The following NSF variants were observed in gnomAD, a reference collection of about 807,000 sequenced individuals.
The protein encoded by NSF is vesicle-fusing ATPase.
A neutral mutation model predicts 50.3 loss-of-function variants in NSF; 14 were observed. The ratio of observed to expected loss-of-function variants is 0.28; its 90% CI spans 0.18 to 0.44. The LOEUF (loss-of-function observed/expected upper bound fraction) is 0.44, where lower values mean the gene tolerates loss of function less well. Ranked by LOEUF, NSF falls within the 20% of genes least tolerant of loss-of-function variation. The pLI, the probability that NSF is intolerant of heterozygous loss-of-function variation, is 1.00. For missense variants in NSF, 218 were observed against 504.3 expected, an observed-to-expected ratio of 0.43 and a Z score of 5.44; for synonymous variants, 109 against 175.7, an observed-to-expected ratio of 0.62 and a Z score of 3.00.
At chr17:46,733,613 A>G (rs918129865) in intron 17 of NSF, among the ~76,000 whole-genome samples, 1 of 152,218 alleles carries the variant, frequency 6.6e-6, no homozygotes, top group East Asian at 1.9e-4. Flanking sequence ...ATACAAAATG[A>G]TAACATCTGA....
At chr17:46,717,047 G>A (rs916118437) in intron 15 of NSF, among the ~76,000 whole-genome samples, 5 of 152,116 alleles carry the variant, frequency 3.3e-5, no homozygotes, top group African/African-American at 1.2e-4. Context: ...ATACTCCCAA[G>A]TTCATTGCAG....
Position 46,751,583 on chromosome 17 carries a change from G to A in NSF, c.2124G>A (p.Lys708=). The change falls in exon 19 of 21, where the codon AAG becomes AAA. Residue 708 remains lysine (K), a synonymous_variant. Transcript: ENST00000398238. ...GGAAGAAGGTCTGGATAGGAATCAA[G>A]AAGTTACTAATGCTGATCGAGATGT... ...VKGKKVWIGI[K]KLLMLIEMSL... The A allele has an allele frequency of 1.2e-6, 2 of 1,613,888 alleles. No individual in the cohort carries two copies. The highest frequency in any genetic ancestry group is 2.2e-5 in the South Asian group (2 of 91,022).
At chr17:46,752,260 CTTACCT>C (rs1212653228) in intron 19 of NSF, among the ~76,000 whole-genome samples, 1 of 152,142 alleles carries the variant, frequency 6.6e-6, no homozygotes, top group Non-Finnish European at 1.5e-5. Flanking sequence ...CTCCTGGCAA[CTTACCT>C]TTCTTCATTT....
At position 46,714,129 on chromosome 17, in the gene NSF, TG is replaced by T. The variant is rs1270420416; in HGVS notation, c.1761+148del. ...GTGGAACCAAATTATCAGCAGAATA[TG>T]GGGGAAGCAGTGACTGTTTTAGATT... On this transcript the variant is annotated intron_variant, in intron 15 of 20. Coordinates refer to ENST00000398238, the MANE Select transcript of NSF (RefSeq NM_006178.4). 33 of 795,452 alleles carry T rather than the reference TG, an allele frequency of 4.1e-5. No homozygotes were observed. The East Asian group carries it at 1.0e-3, about 24-fold the overall frequency. The allele number at this position is 795,452 out of a possible 1,614,324, so 49.3% of individuals were successfully genotyped here. A position where few individuals can be genotyped will look rare whatever the true frequency, so the allele number is the denominator to read the frequency against.
chr17:46,751,542 G>A lies in NSF; in HGVS notation c.2083G>A (p.Ala695Thr). ...NFKDKERTTI[A>T]QQVKGKKVWI... ...CAAGGATAAGGAACGCACCACAATT[G>A]CACAGCAAGTCAAAGGGAAGAAGGT... The change falls in exon 19 of 21, where the codon GCA becomes ACA. Residue 695 changes from alanine (A) to threonine (T), a missense_variant. Ala to Thr is a moderately conservative substitution (Grantham distance 58). This residue lies in a region of NSF where 209 missense variants were observed against 320.9 expected (regional missense o/e 0.65). Transcript: ENST00000398238. The A allele has an allele frequency of 6.2e-7, 1 of 1,613,988 alleles. No individual in the cohort carries two copies.
At chr17:46,711,804 C>G (rs888660639) in intron 14 of NSF, among the ~76,000 whole-genome samples, 1 of 152,132 alleles carries the variant, frequency 6.6e-6, no homozygotes, top group Non-Finnish European at 1.5e-5. Flanking sequence ...CATATTAAGC[C>G]ATGACTTGAC....
rs576765284 is a variant in NSF, at chr17:46,750,369, G to T, written c.2043+462G>T. ...CTCTAACAACAACAAAAAATGCCTA[G>T]GACCAGAAGTGTTTCAGATTTCAGA... is the stretch of plus-strand genomic sequence containing the variant. On this transcript the variant is annotated intron_variant, in intron 18 of 20. Coordinates refer to ENST00000398238, the MANE Select transcript of NSF (RefSeq NM_006178.4). Among the ~76,000 whole-genome samples, 10 of 152,170 alleles carry T rather than the reference G, an allele frequency of 6.6e-5. No homozygotes were observed. In the East Asian group the frequency reaches 1.9e-3, roughly 29 times the overall value.
intron 17 of NSF, among the ~76,000 whole-genome samples, chr17:46,749,097 C>G (rs2059158396): frequency 6.6e-6 from 1 of 151,866 alleles, no homozygotes; most frequent in Non-Finnish European, 1.5e-5. Context: ...AATCTAAAAC[C>G]AGTAATGTAA....
chr17:46,736,624 A>G (rs756059684), intron 17 of NSF, among the ~76,000 whole-genome samples: 1 of 152,230 alleles, frequency 6.6e-6, no homozygotes, highest in South Asian at 2.1e-4. Context: ...AGGAAAAAAT[A>G]AAAAATGTGT....
intron 19 of NSF, among the ~76,000 whole-genome samples, chr17:46,753,137 A>G (rs2059199900): frequency 6.6e-6 from 1 of 152,214 alleles, no homozygotes; most frequent in Non-Finnish European, 1.5e-5. Flanking sequence ...GAGTGGCTGT[A>G]TTCTAGGCAT....
chr17:46,752,298 G>A (rs2146342867), intron 19 of NSF, among the ~76,000 whole-genome samples: 1 of 152,158 alleles, frequency 6.6e-6, no homozygotes, highest in East Asian at 1.9e-4. Flanking sequence ...CCTTCCATGT[G>A]CCCATGCTGT....
intron 14 of NSF, among the ~76,000 whole-genome samples, chr17:46,712,424 G>A (rs1054710871): frequency 3.9e-5 from 6 of 152,180 alleles, no homozygotes; most frequent in African/African-American, 1.4e-4. Flanking sequence ...TTGGATGTGG[G>A]CAGAGGTATC....
intron 17 of NSF, among the ~76,000 whole-genome samples, chr17:46,733,345 C>T (rs919248527): frequency 2.0e-5 from 3 of 152,008 alleles, no homozygotes; most frequent in African/African-American, 7.2e-5. Context: ...TCTTCTGCCA[C>T]CTTCTTTTTT....
intron 8 of NSF, among the ~76,000 whole-genome samples, chr17:46,671,736 T>A (rs1217324225): frequency 1.1e-5 from 1 of 90,848 alleles, no homozygotes; most frequent in Non-Finnish European, 2.5e-5. Context: ...ATGGTAATAA[T>A]TTGTGAATTG....
intron 17 of NSF, among the ~76,000 whole-genome samples, chr17:46,748,472 A>G (rs1022249088): frequency 2.0e-5 from 3 of 152,222 alleles, no homozygotes; most frequent in African/African-American, 7.2e-5. Context: ...TAGTAAGGCT[A>G]GAATAAAGGT....
chr17:46,655,508 C>CA (rs1275355752), intron 8 of NSF, among the ~76,000 whole-genome samples: 1 of 60,702 alleles, frequency 1.6e-5, no homozygotes, highest in African/African-American at 8.4e-5. Flanking sequence ...ACAACTACCC[C>CA]TTTACCTTAC....
At chr17:46,715,640 T>C (rs1482317209) in intron 15 of NSF, among the ~76,000 whole-genome samples, 1 of 152,226 alleles carries the variant, frequency 6.6e-6, no homozygotes, top group Non-Finnish European at 1.5e-5. Flanking sequence ...TACTTCAGGC[T>C]TCTGCAGATC....
chr17:46,734,201 G>C (rs2058978045), intron 17 of NSF, among the ~76,000 whole-genome samples: 1 of 152,194 alleles, frequency 6.6e-6, no homozygotes, highest in African/African-American at 2.4e-5. Context: ...TAATGGAAGA[G>C]ACTCCAAATC....
rs1348243729 is a variant in NSF, at chr17:46,697,194, G to A, written c.1374+2532G>A. Reference sequence around the variant, plus strand: ...AGATCTAAATAATGAGCACATGGTAGGTGTCCAGTAAATTATTTTTCTTTT... The same window carrying A: ...AGATCTAAATAATGAGCACATGGTAAGTGTCCAGTAAATTATTTTTCTTTT... On this transcript the variant is annotated intron_variant, in intron 12 of 20. Coordinates refer to ENST00000398238, the MANE Select transcript of NSF (RefSeq NM_006178.4). Among the ~76,000 whole-genome samples, 2 of 143,014 alleles carry A rather than the reference G, an allele frequency of 1.4e-5. 1 individual carries two copies. Among genetic ancestry groups the A allele is most frequent in the African/African-American group, 5.5e-5 (2 of 36,600 alleles). The allele number at this position is 143,014 out of a possible 152,430, so 93.8% of individuals were successfully genotyped here.
Sources: gnomAD v4.1 joint callset for allele counts (sites outside exome capture counted in the v4.1 genomes callset) on GRCh38, gnomAD v4.1.1 for gene constraint, gnomAD v4.1.1 regional missense constraint, MANE v1.5 for transcripts, NCBI Gene and HGNC (gene_info 2026-07-23, HGNC 2026-07-21) for gene names.